ARHGEF37: variants seen among roughly 807,000 people sequenced by gnomAD.
The protein encoded by ARHGEF37 is Rho guanine nucleotide exchange factor (GEF) 37.
ARHGEF37 carries 55 observed loss-of-function variants against 71.1 expected under a neutral mutation model. The observed-to-expected ratio is 0.77, with a 90% confidence interval of 0.62 to 0.97. ARHGEF37 has a LOEUF of 0.97. ARHGEF37 is among the 50% of genes least tolerant of loss of function. The pLI, the probability that ARHGEF37 is intolerant of heterozygous loss-of-function variation, is 0.00. For missense variants in ARHGEF37, 765 were observed against 836.8 expected, an observed-to-expected ratio of 0.91 and a Z score of 1.06; for synonymous variants, 327 against 350.6, an observed-to-expected ratio of 0.93 and a Z score of 0.75.
At position 149,632,019 on chromosome 5, in the gene ARHGEF37, A is replaced by G; in HGVS notation, c.1856A>G (p.His619Arg). The G allele has an allele frequency of 6.2e-7, 1 of 1,614,236 alleles. No individual in the cohort carries two copies. Among genetic ancestry groups the G allele is most frequent in the Non-Finnish European group, 8.5e-7 (1 of 1,180,036 alleles). The change falls in exon 13 of 13, where the codon CAT (histidine) becomes CGT (arginine). Residue 619 changes from histidine to arginine, a missense_variant. Physicochemically the swap from His to Arg is conservative, Grantham distance 29. Transcript: ENST00000333677. ...TACCCTTTTGTGGCCAGAAGCAGCC[A>G]TGAAGTGAGCCTGCAGGCAGGCCAG... ...AAYPFVARSS[H>R]EVSLQAGQPV... is the part of the protein sequence containing the mutation.
At position 149,586,482 on chromosome 5, in the gene ARHGEF37, C is replaced by T. The variant is rs189460167; in HGVS notation, c.-12+4858C>T. 4.0e-4 allele frequency among the ~76,000 whole-genome samples: 61 copies of T among 152,324 alleles called. No individual in the cohort carries two copies. In the East Asian group the frequency reaches 5.4e-3, roughly 13 times the overall value. ...TTCACCATGTTGGCCAGGCTGGTCT[C>T]GAACTCCTGACCTCAGGTGATCCAC... On this transcript the variant is annotated intron_variant, in intron 1 of 12. Coordinates refer to ENST00000333677, the MANE Select transcript of ARHGEF37 (RefSeq NM_001001669.3).
rs78009044 is a variant in ARHGEF37, at chr5:149,583,591, G to A, written c.-12+1967G>A. Among the ~76,000 whole-genome samples, 2,391 of 152,268 alleles carry A rather than the reference G, an allele frequency of 0.016. 241 individuals carry two copies. In the East Asian group the frequency reaches 0.3, roughly 19 times the overall value. ...ATCCCTCTTGGATCAGCAGATTACT[G>A]TGGTAAACAGTGCCTTGGCTGATTC... On this transcript the variant is annotated intron_variant, in intron 1 of 12. Transcript: ENST00000333677.
At chr5:149,624,478 C>T (rs984846792) in intron 10 of ARHGEF37, among the ~76,000 whole-genome samples, 1 of 152,188 alleles carries the variant, frequency 6.6e-6, no homozygotes, top group African/African-American at 2.4e-5. Context: ...AAATTGTCAT[C>T]AAAAGGTATC....
intron 1 of ARHGEF37, among the ~76,000 whole-genome samples, chr5:149,586,531 G>A (rs7707073): frequency 0.25 from 37,396 of 152,158 alleles, 5,284 homozygotes; most frequent in African/African-American, 0.37. Flanking sequence ...CCGAAGTGCC[G>A]GGATTACAGG....
intron 1 of ARHGEF37, among the ~76,000 whole-genome samples, chr5:149,574,440 A>G (rs1327190341): frequency 3.3e-5 from 5 of 152,216 alleles, no homozygotes; most frequent in Non-Finnish European, 7.3e-5. Flanking sequence ...GTCTCCTCAC[A>G]GGTCTATCTG....
chr5:149,618,162 C>T lies in ARHGEF37; in HGVS notation c.659-14C>T, dbSNP rs147103860. The T allele has an allele frequency of 3.0e-4, 486 of 1,613,868 alleles. No homozygotes were observed. Among genetic ancestry groups the T allele is most frequent in the Non-Finnish European group, 3.2e-4 (379 of 1,179,856 alleles). On this transcript the variant is annotated splice_polypyrimidine_tract_variant and intron_variant, in intron 5 of 12. Coordinates refer to ENST00000333677, the MANE Select transcript of ARHGEF37 (RefSeq NM_001001669.3). The stretch of plus-strand genomic sequence containing the variant: ...GCTTGATCACCGTGCTTCCCCTCTT[C>T]TCTGTCGTTGCAGCCTCCAAGTACA...
At chr5:149,598,324 TCTTTCTTCC>T (rs1456392271) in intron 2 of ARHGEF37, among the ~76,000 whole-genome samples, 24 of 149,064 alleles carry the variant, frequency 1.6e-4, no homozygotes, top group Middle Eastern at 3.4e-3. Flanking sequence ...TTCTTCTTCT[TCTTTCTTCC>T]TCTTCCTCTT....
At chr5:149,608,617 C>G (rs149329362) in intron 3 of ARHGEF37, among the ~76,000 whole-genome samples, 1 of 151,914 alleles carries the variant, frequency 6.6e-6, no homozygotes, top group African/African-American at 2.4e-5. Flanking sequence ...GTGATCCACC[C>G]GTCTTGGCCT....
intron 1 of ARHGEF37, among the ~76,000 whole-genome samples, chr5:149,561,145 C>A (rs1394073345): frequency 6.6e-6 from 1 of 151,830 alleles, no homozygotes; most frequent in Non-Finnish European, 1.5e-5. Flanking sequence ...TGGTGGCAAG[C>A]ACCTGTAGTC....
At chr5:149,563,946 ATTTT>A (rs570750342) in intron 1 of ARHGEF37, among the ~76,000 whole-genome samples, 1 of 124,860 alleles carries the variant, frequency 8.0e-6, no homozygotes, top group Non-Finnish European at 1.7e-5. Flanking sequence ...ATTAGTTTAA[ATTTT>A]TTTTTTTTTT....
intron 10 of ARHGEF37, among the ~76,000 whole-genome samples, chr5:149,625,006 C>T (rs573556090): frequency 3.4e-4 from 49 of 145,814 alleles, no homozygotes; most frequent in Admixed American, 3.2e-3. Flanking sequence ...TCAAGCAATT[C>T]TTCTGCCTCA....
At chr5:149,608,518 G>C (rs2113340036) in intron 3 of ARHGEF37, among the ~76,000 whole-genome samples, 1 of 151,956 alleles carries the variant, frequency 6.6e-6, no homozygotes, top group South Asian at 2.1e-4. Context: ...GACTACAAGG[G>C]CACACCATCA....
chr5:149,569,261 T>C (rs1047947906), intron 1 of ARHGEF37, among the ~76,000 whole-genome samples: 1 of 152,008 alleles, frequency 6.6e-6, no homozygotes. Context: ...TACCAACTAG[T>C]TGAATTGCTG....
chr5:149,619,648 T>A (rs1257769714), intron 7 of ARHGEF37, among the ~76,000 whole-genome samples: 1 of 152,186 alleles, frequency 6.6e-6, no homozygotes, highest in African/African-American at 2.4e-5. Flanking sequence ...CATCTCCTGA[T>A]GCGTCAATGT....
intron 1 of ARHGEF37, among the ~76,000 whole-genome samples, chr5:149,566,025 T>C (rs1762894626): frequency 6.6e-6 from 1 of 151,108 alleles, no homozygotes; most frequent in Admixed American, 6.6e-5. Flanking sequence ...TTTTTATATT[T>C]AGTAGAGACA....
chr5:149,554,333 AAATG>A (rs970077633), intron 1 of ARHGEF37, among the ~76,000 whole-genome samples: 8 of 152,174 alleles, frequency 5.3e-5, no homozygotes, highest in African/African-American at 1.7e-4. Flanking sequence ...TTGTCTCAAT[AAATG>A]AATGAATGAA....
chr5:149,596,465 C>T (rs192361540), intron 1 of ARHGEF37, among the ~76,000 whole-genome samples: 28 of 152,234 alleles, frequency 1.8e-4, no homozygotes, highest in Admixed American at 5.9e-4. Context: ...CCACCACACC[C>T]GGCTAATTTT....
intron 3 of ARHGEF37, among the ~76,000 whole-genome samples, chr5:149,606,246 ATCTCT>A (rs1763910074): frequency 6.6e-6 from 1 of 152,020 alleles, no homozygotes; most frequent in Admixed American, 6.6e-5. Flanking sequence ...CAGTTGGCTG[ATCTCT>A]CTCTCACACA....
upstream of ARHGEF37, among the ~76,000 whole-genome samples, chr5:149,577,092 A>T (rs1004515446): frequency 3.3e-5 from 5 of 152,212 alleles, no homozygotes; most frequent in African/African-American, 1.2e-4. Context: ...ACTGTGGTAT[A>T]GTAGTAGACT....
Sources: gnomAD v4.1 joint callset for allele counts (sites outside exome capture counted in the v4.1 genomes callset) on GRCh38, gnomAD v4.1.1 for gene constraint, MANE v1.5 for transcripts, NCBI Gene and HGNC (gene_info 2026-07-23, HGNC 2026-07-21) for gene names.